The following DLG2 variants were observed in gnomAD, a reference collection of about 807,000 sequenced individuals.
DLG2 encodes the protein discs large MAGUK scaffold protein 2, also known as disks large homolog 2.
A neutral mutation model predicts 132.5 loss-of-function variants in DLG2; 45 were observed. The observed-to-expected ratio is 0.34, with a 90% CI of 0.27 to 0.44. DLG2 has a LOEUF of 0.44. Among genes scored for constraint, DLG2 ranks in the 20% least tolerant of loss-of-function variants. The pLI is 1.00. For synonymous variants in DLG2, 424 were observed against 419.6 expected, an observed-to-expected ratio of 1.01 and a Z score of -0.13; for missense variants, 1,045 against 1,196.9, an observed-to-expected ratio of 0.87 and a Z score of 1.87.
rs183259632 is a variant in DLG2 at position 84,373,288 on chromosome 11, G to C, written c.520-121997C>G. ...AACAAAACAAAAAAAAAACCCACCA[G>C]GCCCGGCACGGTGGCTCACGCCTGT... On this transcript the variant is annotated intron_variant, in intron 7 of 27. Coordinates refer to ENST00000376104, the MANE Select transcript of DLG2 (RefSeq NM_001142699.3). Among the ~76,000 whole-genome samples, 91 of 24,606 alleles carry C rather than the reference G, an allele frequency of 3.7e-3. 1 individual carries two copies. The highest frequency in any genetic ancestry group is 4.3e-3 in the Non-Finnish European group (40 of 9,368). 16.1% of individuals were successfully genotyped at this position (24,606 alleles called of 152,430 possible). A position where few individuals can be genotyped will look rare whatever the true frequency, so the allele number is the denominator to read the frequency against.
At chr11:83,713,001 A>T (rs1237832524) in intron 18 of DLG2, among the ~76,000 whole-genome samples, 2 of 152,196 alleles carry the variant, frequency 1.3e-5, no homozygotes, top group Non-Finnish European at 2.9e-5. Flanking sequence ...AAAATAAAAA[A>T]AAATTTATTT....
At chr11:83,711,221 T>C (rs142800427) in intron 18 of DLG2, among the ~76,000 whole-genome samples, 124 of 152,302 alleles carry the variant, frequency 8.1e-4, no homozygotes, top group African/African-American at 2.9e-3. Flanking sequence ...AAGGCCAAAA[T>C]GTCACTGATA....
At chr11:84,911,073 A>G (rs1201111997) in intron 6 of DLG2, among the ~76,000 whole-genome samples, 1 of 152,160 alleles carries the variant, frequency 6.6e-6, no homozygotes, top group Non-Finnish European at 1.5e-5. Flanking sequence ...AGAATGAAAA[A>G]TAATTATTAA....
At chr11:84,287,430 T>G (rs2097920697) in intron 7 of DLG2, among the ~76,000 whole-genome samples, 1 of 152,152 alleles carries the variant, frequency 6.6e-6, no homozygotes, top group Admixed American at 6.6e-5. Flanking sequence ...AGCTTTGGAC[T>G]TCTTAGGAAT....
rs968770601 is a variant in DLG2, at chr11:85,266,462, G to A, written c.186+18758C>T. On this transcript the variant is annotated intron_variant, in intron 4 of 27. Coordinates refer to ENST00000376104, the MANE Select transcript of DLG2 (RefSeq NM_001142699.3). Reference sequence around the variant, plus strand: ...CATCACACAGTAGGGCCTGTTGGGGGATGGGGGACTAGGGGAGGGATAGCA... The same window carrying A: ...CATCACACAGTAGGGCCTGTTGGGGAATGGGGGACTAGGGGAGGGATAGCA... Among the ~76,000 whole-genome samples the A allele has an allele frequency of 2.6e-5, 4 of 152,272 alleles. No individual in the cohort carries two copies. In the South Asian group the frequency reaches 6.2e-4, roughly 24 times the overall value.
At chr11:84,184,713 T>G (rs969486070) in intron 8 of DLG2, among the ~76,000 whole-genome samples, 11 of 152,106 alleles carry the variant, frequency 7.2e-5, no homozygotes, top group African/African-American at 2.7e-4. Context: ...GGTCTAACGT[T>G]TAAGTCTTTA....
intron 6 of DLG2, among the ~76,000 whole-genome samples, chr11:84,724,931 C>T (rs2062242805): frequency 6.6e-6 from 1 of 152,096 alleles, no homozygotes; most frequent in Non-Finnish European, 1.5e-5. Flanking sequence ...GAAAAATGAT[C>T]AATGGCTGAA....
chr11:84,749,493 T>C (rs796738795), intron 6 of DLG2, among the ~76,000 whole-genome samples: 16 of 152,264 alleles, frequency 1.1e-4, no homozygotes, highest in African/African-American at 2.9e-4. Flanking sequence ...ATAAATAACA[T>C]TGTATTACAA....
chr11:84,984,120 C>A (rs557571125), intron 6 of DLG2, among the ~76,000 whole-genome samples: 1 of 152,086 alleles, frequency 6.6e-6, no homozygotes, highest in Non-Finnish European at 1.5e-5. Context: ...CCTGGCCTTG[C>A]TAGAGACCTA....
intron 7 of DLG2, among the ~76,000 whole-genome samples, chr11:84,507,078 C>T (rs981245854): frequency 6.6e-6 from 1 of 152,186 alleles, no homozygotes; most frequent in African/African-American, 2.4e-5. Context: ...CAGCTTAGCA[C>T]CTCTATTTCT....
chr11:83,956,614 G>A (rs529800108), intron 14 of DLG2, among the ~76,000 whole-genome samples: 5 of 152,334 alleles, frequency 3.3e-5, no homozygotes, highest in African/African-American at 4.8e-5. Flanking sequence ...TGCCCCTACC[G>A]CGAGTCCAGT....
At chr11:85,232,780 A>G (rs1337536102) in intron 4 of DLG2, among the ~76,000 whole-genome samples, 1 of 151,976 alleles carries the variant, frequency 6.6e-6, no homozygotes, top group Non-Finnish European at 1.5e-5. Context: ...ATTTATCTAA[A>G]TTACCTTAAT....
At chr11:83,692,558 T>A (rs1271971474) in intron 18 of DLG2, among the ~76,000 whole-genome samples, 1 of 152,090 alleles carries the variant, frequency 6.6e-6, no homozygotes, top group Non-Finnish European at 1.5e-5. Context: ...GCTCTAAAAT[T>A]GTGGTGATGG....
chr11:84,422,519 G>C (rs2098954262), intron 7 of DLG2, among the ~76,000 whole-genome samples: 1 of 152,074 alleles, frequency 6.6e-6, no homozygotes, highest in African/African-American at 2.4e-5. Context: ...GTTTAGATTT[G>C]CCAATCAAAA....
intron 17 of DLG2, among the ~76,000 whole-genome samples, chr11:83,812,305 G>C (rs2047511201): frequency 6.6e-6 from 1 of 152,072 alleles, no homozygotes; most frequent in South Asian, 2.1e-4. Flanking sequence ...TTTATAGATG[G>C]TTTGTGGTTG....
rs146104746 is a variant in DLG2, at chr11:83,507,481, A to C, written c.2194-23253T>G. Among the ~76,000 whole-genome samples the C allele has an allele frequency of 9.9e-3, 1,388 of 140,148 alleles. 26 individuals are homozygous for C. Among genetic ancestry groups the C allele is most frequent in the African/African-American group, 0.034 (1,322 of 38,542 alleles). 91.9% of individuals were successfully genotyped at this position (140,148 alleles called of 152,430 possible). A position where few individuals can be genotyped will look rare whatever the true frequency, so the allele number is the denominator to read the frequency against. On this transcript the variant is annotated intron_variant, in intron 21 of 27. Coordinates refer to ENST00000376104, the MANE Select transcript of DLG2 (RefSeq NM_001142699.3). Reference sequence around the variant, plus strand: ...ACATATATATACCCTATATATATATATCCATATATATACACATATATATCC... The same window carrying C: ...ACATATATATACCCTATATATATATCTCCATATATATACACATATATATCC...
At chr11:85,060,377 C>T (rs1220636290) in intron 6 of DLG2, among the ~76,000 whole-genome samples, 1 of 149,422 alleles carries the variant, frequency 6.7e-6, no homozygotes, top group Non-Finnish European at 1.5e-5. Flanking sequence ...TCTCATAATA[C>T]ATCACAAGAT....
At chr11:84,670,352 T>G (rs1405812706) in intron 6 of DLG2, among the ~76,000 whole-genome samples, 1 of 152,118 alleles carries the variant, frequency 6.6e-6, no homozygotes, top group Non-Finnish European at 1.5e-5. Context: ...TTTTTCATAT[T>G]TAAAGCAACA....
At chr11:85,049,133 A>C (rs553120790) in intron 6 of DLG2, among the ~76,000 whole-genome samples, 1 of 152,062 alleles carries the variant, frequency 6.6e-6, no homozygotes, top group African/African-American at 2.4e-5. Context: ...TCTGCTGCAC[A>C]TAAAAACTCA....
Sources: gnomAD v4.1 joint callset for allele counts (sites outside exome capture counted in the v4.1 genomes callset) on GRCh38, gnomAD v4.1.1 for gene constraint, MANE v1.5 for transcripts, NCBI Gene and HGNC (gene_info 2026-07-23, HGNC 2026-07-21) for gene names.